Variants in USP6 observed in about 807,000 individuals in gnomAD.
The protein encoded by USP6 is ubiquitin carboxyl-terminal hydrolase 6.
Under a neutral mutation model 175.7 loss-of-function variants are expected in USP6, and 128 were observed. The ratio of observed to expected loss-of-function variants is 0.73; its 90% CI spans 0.63 to 0.84. The LOEUF (loss-of-function observed/expected upper bound fraction) is 0.84, where lower values mean the gene tolerates loss of function less well. Ranked by LOEUF, USP6 falls within the 40% of genes least tolerant of loss-of-function variation. The pLI is 0.00. For synonymous variants in USP6, 562 were observed against 630.6 expected (o/e 0.89, Z 1.63); for missense variants, 1,498 against 1,760.3 (o/e 0.85, Z 2.67).
At chr17:5,126,852 AGAGGTGT>A (rs1048318664) in intron 6 of USP6, 12 of 152,418 alleles carry the variant, frequency 7.9e-5, no homozygotes, top group African/African-American at 2.9e-4. Context: ...CCTCAAAGTG[AGAGGTGT>A]GGGGTGTGCC....
Position 5,171,661 on chromosome 17 carries a change from T to A in USP6, c.4029T>A (p.Tyr1343Ter), listed in dbSNP as rs149134900. The change falls in exon 37 of 38, where the codon TAT becomes TAA. Residue 1343 changes from tyrosine to a stop codon, truncating the protein, a stop_gained. Coordinates refer to ENST00000574788, the MANE Select transcript of USP6 (RefSeq NM_001304284.2). LOFTEE classifies it high-confidence loss of function. Reference sequence around the variant, plus strand: ...ACCCAAACTGCAAGTGGTACTGTTATAATGACAGCAGCTGTGAGGTAAACA... The same window carrying A: ...ACCCAAACTGCAAGTGGTACTGTTAAAATGACAGCAGCTGTGAGGTAAACA... Reference protein sequence around the residue: ...AKNPNCKWYCYNDSSCEELHP... With the variant: ...AKNPNCKWYC 2 of 1,613,846 alleles carry A rather than the reference T, an allele frequency of 1.2e-6. No homozygotes were observed. Among genetic ancestry groups the A allele is most frequent in the Admixed American group, 3.3e-5 (2 of 60,006 alleles).
At chr17:5,128,873 G>A (rs3890287) in intron 7 of USP6, 79 bp from the exon 8 acceptor site, 48,568 of 152,638 alleles carry the variant, frequency 0.32, 9,737 homozygotes, top group Non-Finnish European at 0.45. Flanking sequence ...GGACTCAAAG[G>A]TTTTCTCCCT....
chr17:5,123,287 C>T (rs1026889603), intron 4 of USP6, among the ~76,000 whole-genome samples: 1 of 152,016 alleles, frequency 6.6e-6, no homozygotes, highest in Non-Finnish European at 1.5e-5. Context: ...GTCGCCTTTT[C>T]CCCGCACCGC....
At chr17:5,139,120 G>A in intron 21 of USP6, 135 bp from the exon 22 acceptor site, 1 of 1,597,114 alleles carries the variant, frequency 6.3e-7, no homozygotes, top group Non-Finnish European at 8.5e-7. Flanking sequence ...CAGACTACAG[G>A]CGTGTCGTCA....
chr17:5,172,228 C>A (rs1007346122), intron 37 of USP6, among the ~76,000 whole-genome samples: 6 of 150,194 alleles, frequency 4.0e-5, no homozygotes, highest in African/African-American at 1.5e-4. Flanking sequence ...ATCTTCTAGA[C>A]TGTTAGAATT....
chr17:5,149,120 T>C (rs1345360130), intron 30 of USP6, among the ~76,000 whole-genome samples: 1 of 152,080 alleles, frequency 6.6e-6, no homozygotes, highest in Non-Finnish European at 1.5e-5. Context: ...TTGTGTCTCC[T>C]GGCCAGGTGC....
intron 25 of USP6, among the ~76,000 whole-genome samples, chr17:5,143,639 C>T (rs921335763): frequency 4.6e-4 from 70 of 152,036 alleles, no homozygotes; most frequent in African/African-American, 1.6e-3. Context: ...GGGTCCTCTG[C>T]CTAGGAAAAC....
intron 30 of USP6, among the ~76,000 whole-genome samples, chr17:5,149,510 A>T (rs987292516): frequency 2.6e-5 from 4 of 152,198 alleles, no homozygotes; most frequent in African/African-American, 9.6e-5. Flanking sequence ...TATGATGCTC[A>T]CACCTGTAAA....
rs1255738785 is a variant in USP6, at chr17:5,139,563, A to G, written c.1387A>G (p.Ile463Val). The change falls in exon 22 of 38, where the codon ATA becomes GTA. Residue 463 changes from isoleucine (I) to valine (V), a missense_variant. By Grantham distance (29) the Ile-to-Val change is conservative (BLOSUM62 3). Around this residue, in one of 2 missense-constraint regions of USP6, gnomAD observed 1,217 missense variants for 1,500.8 expected, o/e 0.81. Coordinates refer to ENST00000574788, the MANE Select transcript of USP6 (RefSeq NM_001304284.2). ...GCCCCGGCTCCCAACGGACCTGGAT[A>G]TAGGGGGCCCTTGGTTCCCCCATTA... ...SMPRLPTDLD[I>V]GGPWFPHYDF... The G allele has an allele frequency of 5.0e-6, 8 of 1,613,688 alleles. No homozygotes were observed. Among genetic ancestry groups the G allele is most frequent in the East Asian group, 4.5e-5 (2 of 44,890 alleles).
chr17:5,133,134 A>G (rs1184698542), intron 13 of USP6, 144 bp downstream of exon 13: 2 of 1,034,618 alleles, frequency 1.9e-6, no homozygotes, highest in Non-Finnish European at 2.9e-6. Context: ...CCTGGTCACC[A>G]GATTGCCTGC....
chr17:5,160,543 A>G (rs546606583), intron 31 of USP6, among the ~76,000 whole-genome samples: 58 of 152,326 alleles, frequency 3.8e-4, no homozygotes, highest in Non-Finnish European at 5.9e-5. Flanking sequence ...AAAATTCACA[A>G]GGCCATCTTG....
intron 25 of USP6, among the ~76,000 whole-genome samples, chr17:5,144,481 G>A (rs1440517406): frequency 1.3e-5 from 2 of 151,770 alleles, no homozygotes; most frequent in African/African-American, 4.8e-5. Context: ...ACACAGTATT[G>A]GCCAAAATAC....
chr17:5,122,125 C>T (rs1597958049), intron 4 of USP6, among the ~76,000 whole-genome samples: 3 of 89,760 alleles, frequency 3.3e-5, no homozygotes, highest in Non-Finnish European at 6.4e-5. Context: ...AGAAGTCCTG[C>T]GGGGTGGAGG....
At chr17:5,151,143 A>G (rs2073759406) in intron 30 of USP6, among the ~76,000 whole-genome samples, 1 of 152,172 alleles carries the variant, frequency 6.6e-6, no homozygotes, top group Non-Finnish European at 1.5e-5. Context: ...GAACATGGAT[A>G]TACTGTTTTA....
At chr17:5,128,341 A>G (rs2072955378) in intron 7 of USP6, 1 of 152,254 alleles carries the variant, frequency 6.6e-6, no homozygotes, top group South Asian at 2.1e-4. Flanking sequence ...TTAAAATATC[A>G]GAAATGAAAA....
chr17:5,128,439 C>G (rs1597981344), intron 7 of USP6: 1 of 152,196 alleles, frequency 6.6e-6, no homozygotes, highest in Non-Finnish European at 1.5e-5. Context: ...TTCTGAGATT[C>G]AACAGCAGCA....
At chr17:5,131,228 G>T (rs189477947) in intron 11 of USP6, among the ~76,000 whole-genome samples, 8 of 148,604 alleles carry the variant, frequency 5.4e-5, no homozygotes, top group Admixed American at 5.3e-4. Flanking sequence ...GCAGGGCCCC[G>T]CTCTGGGCAT....
intron 6 of USP6, among the ~76,000 whole-genome samples, chr17:5,126,443 AG>A (rs1056986863): frequency 6.6e-6 from 1 of 152,216 alleles, no homozygotes; most frequent in African/African-American, 2.4e-5. Flanking sequence ...AGGGATTCTC[AG>A]GGCTCTAAGC....
At chr17:5,120,186 G>C (rs1424053631) in intron 2 of USP6, among the ~76,000 whole-genome samples, 3 of 152,178 alleles carry the variant, frequency 2.0e-5, no homozygotes, top group Admixed American at 1.3e-4. Flanking sequence ...CTTTCCTCCA[G>C]CAGATTAACA....
Sources: allele counts gnomAD v4.1 joint callset (sites outside exome capture counted in the v4.1 genomes callset), GRCh38; gene constraint gnomAD v4.1.1; regional missense constraint gnomAD v4.1.1; transcripts MANE v1.5; gene names NCBI Gene and HGNC (gene_info 2026-07-23, HGNC 2026-07-21).